The following TRPC6 variants were observed in gnomAD, a reference collection of about 807,000 sequenced individuals.
The protein encoded by TRPC6 is transient receptor potential cation channel subfamily C member 6.
Under a neutral mutation model 90.7 loss-of-function variants are expected in TRPC6, and 55 were observed. That is an observed-to-expected ratio of 0.61 (90% CI 0.49 to 0.76). TRPC6 has a LOEUF of 0.76. Ranked by LOEUF, TRPC6 falls within the 30% of genes least tolerant of loss-of-function variation. TRPC6 has a pLI of 0.00. For missense variants in TRPC6, 989 were observed against 1,122.7 expected, an observed-to-expected ratio of 0.88 and a Z score of 1.70; for synonymous variants, 393 against 393.0, an observed-to-expected ratio of 1.00 and a Z score of 0.00.
At chr11:101,566,905 T>C (rs1861845546) in intron 1 of TRPC6, among the ~76,000 whole-genome samples, 1 of 152,182 alleles carries the variant, frequency 6.6e-6, no homozygotes, top group African/African-American at 2.4e-5. Context: ...AGGGTGCCTA[T>C]ACCACCAGGG....
At chr11:101,469,558 T>C in intron 9 of TRPC6, 57 bp from the exon 10 acceptor site, 1 of 694,308 alleles carries the variant, frequency 1.4e-6, no homozygotes, top group Non-Finnish European at 2.7e-6. Flanking sequence ...CACTCTTCAT[T>C]CTGTATTTTA....
At chr11:101,496,889 T>C (rs528951542) in intron 2 of TRPC6, among the ~76,000 whole-genome samples, 11 of 152,316 alleles carry the variant, frequency 7.2e-5, no homozygotes, top group African/African-American at 2.4e-4. Context: ...AGAACACACA[T>C]ACACATACCC....
At chr11:101,459,436 T>G (rs1024239683) in intron 10 of TRPC6, among the ~76,000 whole-genome samples, 2 of 152,144 alleles carry the variant, frequency 1.3e-5, no homozygotes, top group Non-Finnish European at 1.5e-5. Flanking sequence ...GAATCAACAT[T>G]TTATTCCAGA....
At chr11:101,548,250 C>CATATATATATATATATATATAT (rs1491446189) in intron 1 of TRPC6, among the ~76,000 whole-genome samples, 8 of 56,140 alleles carry the variant, frequency 1.4e-4, no homozygotes, top group African/African-American at 6.8e-4. Context: ...AGAACTAGAT[C>CATATATATATATATATATATAT]ATATATATAT....
chr11:101,578,504 A>G (rs1311769193), intron 1 of TRPC6, among the ~76,000 whole-genome samples: 2 of 152,194 alleles, frequency 1.3e-5, no homozygotes, highest in Admixed American at 1.3e-4. Context: ...TAAACTGGGA[A>G]TTCAAACTCT....
At chr11:101,516,836 ACT>A (rs528587715) in intron 1 of TRPC6, among the ~76,000 whole-genome samples, 2 of 152,130 alleles carry the variant, frequency 1.3e-5, no homozygotes, top group South Asian at 4.1e-4. Context: ...GCTGCTGTCT[ACT>A]CTCTTCTCTG....
chr11:101,526,255 G>A (rs1026245716), intron 1 of TRPC6, among the ~76,000 whole-genome samples: 2 of 152,132 alleles, frequency 1.3e-5, no homozygotes, highest in African/African-American at 4.8e-5. Flanking sequence ...CTCCAGTAGA[G>A]AGAAGACCAC....
At chr11:101,478,480 C>T (rs942971706) in intron 5 of TRPC6, among the ~76,000 whole-genome samples, 6 of 152,114 alleles carry the variant, frequency 3.9e-5, no homozygotes, top group Admixed American at 2.0e-4. Flanking sequence ...AAAGCTTCCT[C>T]CCACTTTTCC....
intron 4 of TRPC6, among the ~76,000 whole-genome samples, chr11:101,484,585 C>G: frequency 6.9e-6 from 1 of 145,194 alleles, no homozygotes; most frequent in Non-Finnish European, 1.5e-5. Context: ...ATCTCTCTCT[C>G]TCTCATGCTA....
chr11:101,489,473 A>T (rs1222894205), intron 3 of TRPC6, among the ~76,000 whole-genome samples: 1 of 152,122 alleles, frequency 6.6e-6, no homozygotes, highest in Admixed American at 6.5e-5. Context: ...ATACTTTTTT[A>T]AAAATACCAC....
At chr11:101,488,360 G>C (rs1310229642) in intron 4 of TRPC6, among the ~76,000 whole-genome samples, 1 of 152,152 alleles carries the variant, frequency 6.6e-6, no homozygotes, top group Non-Finnish European at 1.5e-5. Flanking sequence ...GGCTATTTTT[G>C]CTGTCAGGTT....
chr11:101,522,314 C>T (rs1397905971), intron 1 of TRPC6, among the ~76,000 whole-genome samples: 1 of 152,168 alleles, frequency 6.6e-6, no homozygotes, highest in African/African-American at 2.4e-5. Context: ...CCTCCCCCTT[C>T]ACTCTCTTCC....
At chr11:101,474,642 C>A (rs1375082444) in intron 6 of TRPC6, among the ~76,000 whole-genome samples, 2 of 152,114 alleles carry the variant, frequency 1.3e-5, no homozygotes, top group African/African-American at 2.4e-5. Context: ...TAAAATTAAA[C>A]ATTAAAATAA....
In TRPC6 at chr11:101,499,790, T is replaced by A. The variant is rs1860058014; in HGVS notation, c.945+4234A>T. Among the ~76,000 whole-genome samples, 2 of 97,230 alleles carry A rather than the reference T, an allele frequency of 2.1e-5. 1 individual carries two copies. Among genetic ancestry groups the A allele is most frequent in the Non-Finnish European group, 4.0e-5 (2 of 49,972 alleles). The allele number at this position is 97,230 out of a possible 152,430, so 63.8% of individuals were successfully genotyped here. A position where few individuals can be genotyped will look rare whatever the true frequency, so the allele number is the denominator to read the frequency against. On this transcript the variant is annotated intron_variant, in intron 2 of 12. Coordinates refer to ENST00000344327, the MANE Select transcript of TRPC6 (RefSeq NM_004621.6). ...ATATATATATACACAGTATAAAATG[T>A]GTATATATATATACACAGTATAAAA...
intron 1 of TRPC6, among the ~76,000 whole-genome samples, chr11:101,547,417 T>A (rs1861331974): frequency 6.6e-6 from 1 of 152,154 alleles, no homozygotes; most frequent in Admixed American, 6.6e-5. Context: ...ACAAATAGGA[T>A]GGATAGCATG....
chr11:101,483,271 CTGAGA>C, intron 4 of TRPC6, 106 bp from the exon 5 acceptor site: 1 of 1,204,008 alleles, frequency 8.3e-7, no homozygotes. Flanking sequence ...CAATGATCTC[CTGAGA>C]TAATTGTTTA....
intron 1 of TRPC6, among the ~76,000 whole-genome samples, chr11:101,539,260 C>A (rs1861121059): frequency 6.6e-6 from 1 of 152,178 alleles, no homozygotes; most frequent in East Asian, 1.9e-4. Flanking sequence ...CTAGACTGCT[C>A]CAACTCTGAG....
Position 101,482,976 on chromosome 11 carries a change from C to T in TRPC6, c.1483G>A (p.Glu495Lys). The T allele has an allele frequency of 6.2e-7, 1 of 1,613,912 alleles. No homozygotes were observed. Among genetic ancestry groups the T allele is most frequent in the Non-Finnish European group, 8.5e-7 (1 of 1,179,866 alleles). ...RMKTSCFSWM[E>K]MLIISWVIGM... ...ATTACCCAGGATATAATGAGCATCT[C>T]CATCCATGAGAAGCAGGATGTTTTC... Residue 495 changes from glutamate (E) to lysine (K), a missense_variant, in exon 5 of 13, where the codon GAG becomes AAG. Around this residue, in one of 4 missense-constraint regions of TRPC6, gnomAD observed 486 missense variants for 591.9 expected, o/e 0.82. Transcript: ENST00000344327.
At chr11:101,534,136 C>T (rs1201700908) in intron 1 of TRPC6, among the ~76,000 whole-genome samples, 1 of 152,020 alleles carries the variant, frequency 6.6e-6, no homozygotes, top group East Asian at 1.9e-4. Flanking sequence ...CCCTTCCTTC[C>T]CTCTCTTCTC....
Sources: gnomAD v4.1 joint callset for allele counts (sites outside exome capture counted in the v4.1 genomes callset) on GRCh38, gnomAD v4.1.1 for gene constraint, gnomAD v4.1.1 regional missense constraint, MANE v1.5 for transcripts, NCBI Gene and HGNC (gene_info 2026-07-23, HGNC 2026-07-21) for gene names.